The following THSD7A variants were observed in gnomAD, a reference collection of about 807,000 sequenced individuals.
The protein encoded by THSD7A is thrombospondin type 1 domain containing 7A.
A neutral mutation model predicts 231.3 loss-of-function variants in THSD7A; 96 were observed. The ratio of observed to expected loss-of-function variants is 0.41; its 90% CI spans 0.35 to 0.49. The LOEUF is 0.49. THSD7A is among the 20% of genes least tolerant of loss of function. The probability of loss-of-function intolerance (pLI) is 0.05; values close to 1 mark genes in which losing one functional copy is unlikely to be tolerated. For missense variants in THSD7A, 2,290 were observed against 2,070.2 expected, an observed-to-expected ratio of 1.11 and a Z score of -2.06; for synonymous variants, 940 against 743.3, an observed-to-expected ratio of 1.26 and a Z score of -4.30.
At chr7:11,565,705 T>C (rs82) in intron 4 of THSD7A, among the ~76,000 whole-genome samples, 125,769 of 152,132 alleles carry the variant, frequency 0.83, 52,456 homozygotes, top group African/African-American at 0.92. Context: ...CATCGTTTCC[T>C]CTTGTTCTAG....
At position 11,636,291 on chromosome 7, in the gene THSD7A, G is replaced by A. The variant is rs746538758; in HGVS notation, c.861C>T (p.Arg287=). 6.2e-7 allele frequency: 1 copy of A among 1,613,878 alleles called. No individual in the cohort carries two copies. Among genetic ancestry groups the A allele is most frequent in the South Asian group, 1.1e-5 (1 of 91,076 alleles). The change falls in exon 2 of 28, where the codon CGC becomes CGT. Residue 287 remains arginine (R), a synonymous_variant. Coordinates refer to ENST00000423059, the MANE Select transcript of THSD7A (RefSeq NM_015204.3). The surrounding 1 kb of genome is among the most constrained non-coding windows in gnomAD (Gnocchi z 10.0). ...RGKNKEREKD[R]SKGVKDPEAR... ...CTTCTGGATCCTTTACTCCTTTGCT[G>A]CGGTCCTTTTCCCGTTCTTTATTCT...
At chr7:11,511,995 G>C (rs1196544229) in intron 6 of THSD7A, among the ~76,000 whole-genome samples, 2 of 152,136 alleles carry the variant, frequency 1.3e-5, no homozygotes, top group Non-Finnish European at 1.5e-5. Flanking sequence ...GAGTGAACAG[G>C]CAACCTACAG....
At chr7:11,394,236 T>C (rs549020779) in intron 23 of THSD7A, among the ~76,000 whole-genome samples, 1 of 152,274 alleles carries the variant, frequency 6.6e-6, no homozygotes, top group Admixed American at 6.5e-5. Context: ...GAATTTTCAA[T>C]CCACAATTTC....
intron 4 of THSD7A, among the ~76,000 whole-genome samples, chr7:11,574,586 C>T (rs1050516598): frequency 1.3e-5 from 2 of 151,674 alleles, no homozygotes; most frequent in Non-Finnish European, 2.9e-5. Flanking sequence ...AGGCGCCCAC[C>T]ACCACGCCCG....
intron 1 of THSD7A, among the ~76,000 whole-genome samples, chr7:11,660,504 A>G (rs1027704551): frequency 1.3e-5 from 2 of 151,492 alleles, no homozygotes; most frequent in African/African-American, 4.8e-5. Context: ...ACACCCAAGA[A>G]AAAATAGAAA....
intron 4 of THSD7A, among the ~76,000 whole-genome samples, chr7:11,554,250 C>T (rs1219157760): frequency 6.6e-6 from 1 of 151,938 alleles, no homozygotes; most frequent in Non-Finnish European, 1.5e-5. Context: ...AAGGTGAGCC[C>T]TAAATCCAAT....
At chr7:11,658,055 C>A (rs938687256) in intron 1 of THSD7A, among the ~76,000 whole-genome samples, 10 of 151,662 alleles carry the variant, frequency 6.6e-5, no homozygotes, top group African/African-American at 2.4e-4. Flanking sequence ...CAACAAGGGA[C>A]CAGCAGTCAG....
At position 11,386,857 on chromosome 7, in the gene THSD7A, G is replaced by A. The variant is rs1382484892; in HGVS notation, c.4412-4241C>T. ...TTACGGTTTTAGGTCTTGGGTTTAC[G>A]TCTTTAATCCATCTTGAGTGAATTT... On this transcript the variant is annotated intron_variant, in intron 23 of 27. Coordinates refer to ENST00000423059, the MANE Select transcript of THSD7A (RefSeq NM_015204.3). Among the ~76,000 whole-genome samples, 5 of 152,232 alleles carry A rather than the reference G, an allele frequency of 3.3e-5. 1 individual carries two copies. Among genetic ancestry groups the A allele is most frequent in the South Asian group, 2.1e-4 (1 of 4,824 alleles).
chr7:11,443,918 T>C (rs1486904179), intron 13 of THSD7A, among the ~76,000 whole-genome samples: 1 of 151,634 alleles, frequency 6.6e-6, no homozygotes, highest in African/African-American at 2.4e-5. Context: ...AGGACAAGAG[T>C]TTTAGAAACT....
At chr7:11,794,860 C>A (rs974437794) in intron 1 of THSD7A, among the ~76,000 whole-genome samples, 13 of 151,886 alleles carry the variant, frequency 8.6e-5, no homozygotes, top group Non-Finnish European at 1.9e-4. Context: ...TCACTTTTTT[C>A]CAACTGAGCT....
At chr7:11,793,309 A>G (rs1466112352) in intron 1 of THSD7A, among the ~76,000 whole-genome samples, 1 of 152,008 alleles carries the variant, frequency 6.6e-6, no homozygotes, top group African/African-American at 2.4e-5. Flanking sequence ...AAAATCTGCA[A>G]ATAATTCTTC....
chr7:11,422,711 A>G (rs1217925158), intron 16 of THSD7A, among the ~76,000 whole-genome samples: 3 of 151,914 alleles, frequency 2.0e-5, no homozygotes, highest in African/African-American at 4.8e-5. Context: ...GGAGGGCAGT[A>G]GCACCGTCTC....
At chr7:11,448,806 C>G (rs1188978541) in intron 11 of THSD7A, among the ~76,000 whole-genome samples, 2 of 152,064 alleles carry the variant, frequency 1.3e-5, no homozygotes, top group Non-Finnish European at 2.9e-5. Flanking sequence ...GGATGCACTT[C>G]CCTATTTCTT....
intron 1 of THSD7A, among the ~76,000 whole-genome samples, chr7:11,650,355 G>T (rs1160361865): frequency 6.6e-6 from 1 of 152,000 alleles, no homozygotes; most frequent in Non-Finnish European, 1.5e-5. Context: ...TTCCAAAGAT[G>T]TTATGCTAGA....
intron 1 of THSD7A, among the ~76,000 whole-genome samples, chr7:11,736,657 G>A (rs1308278620): frequency 6.6e-6 from 1 of 151,976 alleles, no homozygotes; most frequent in Non-Finnish European, 1.5e-5. Context: ...ATGTTGAAAT[G>A]TAAAATAAAG....
Position 11,474,409 on chromosome 7 carries a change from G to A in THSD7A, c.2177C>T (p.Ala726Val). 1.2e-6 allele frequency: 2 copies of A among 1,613,616 alleles called. No individual in the cohort carries two copies. Among genetic ancestry groups the A allele is most frequent in the Non-Finnish European group, 1.7e-6 (2 of 1,179,628 alleles). ...TGTCTGCATGCCGACAGAGCAGGAG[G>A]CCTCCCCATTCCAAGTCGTAGTTGT... ...FNTTTTWNGE[A>V]SCSVGMQTRK... is the part of the protein sequence containing the mutation. The change falls in exon 8 of 28, where the codon GCC (alanine) becomes GTC (valine). Residue 726 changes from alanine to valine, a missense_variant. Physicochemically the swap from Ala to Val is moderately conservative, Grantham distance 64. Transcript: ENST00000423059. The surrounding 1 kb of genome is among the most constrained non-coding windows in gnomAD (Gnocchi z 4.1).
chr7:11,673,569 C>T (rs1783495367), intron 1 of THSD7A, among the ~76,000 whole-genome samples: 1 of 152,118 alleles, frequency 6.6e-6, no homozygotes, highest in South Asian at 2.1e-4. Flanking sequence ...TGCCCACTTA[C>T]TTCATGGCCC....
intron 6 of THSD7A, among the ~76,000 whole-genome samples, chr7:11,539,396 G>GAA (rs534831772): frequency 7.8e-4 from 119 of 152,282 alleles, no homozygotes; most frequent in African/African-American, 2.7e-3. Flanking sequence ...TTTAATGGTG[G>GAA]AAAAGATGTC....
chr7:11,611,787 A>AACATACACAC (rs1239066854), intron 2 of THSD7A, among the ~76,000 whole-genome samples: 1 of 138,686 alleles, frequency 7.2e-6, no homozygotes, highest in Admixed American at 7.4e-5. Flanking sequence ...AGTACCATAA[A>AACATACACAC]ACACACACAC....
Sources: gnomAD v4.1 joint callset for allele counts (sites outside exome capture counted in the v4.1 genomes callset) on GRCh38, gnomAD v4.1.1 for gene constraint, Gnocchi (gnomAD v3.1) non-coding constraint, MANE v1.5 for transcripts, NCBI Gene and HGNC (gene_info 2026-07-23, HGNC 2026-07-21) for gene names.